Variants in APBB2 observed in about 807,000 individuals in gnomAD.
APBB2 encodes Fe65-like 1.
APBB2 carries 38 observed loss-of-function variants against 82.5 expected under a neutral mutation model. The observed-to-expected ratio is 0.46, with a 90% CI of 0.36 to 0.60. APBB2 has a LOEUF of 0.60. APBB2 is among the 20% of genes least tolerant of loss of function. The probability of loss-of-function intolerance (pLI) is 0.00; values close to 1 mark genes in which losing one functional copy is unlikely to be tolerated. For missense variants in APBB2, 772 were observed against 972.3 expected (o/e 0.79, Z 2.74); for synonymous variants, 341 against 368.2 (o/e 0.93, Z 0.85).
intron 12 of APBB2, among the ~76,000 whole-genome samples, chr4:40,859,897 G>A (rs1762356006): frequency 6.6e-6 from 1 of 152,122 alleles, no homozygotes; most frequent in Non-Finnish European, 1.5e-5. Context: ...GCTCTTCCCT[G>A]CACTGCTCAC....
intron 12 of APBB2, among the ~76,000 whole-genome samples, chr4:40,867,855 T>C (rs1381408430): frequency 1.7e-5 from 2 of 116,710 alleles, no homozygotes; most frequent in Non-Finnish European, 3.5e-5. Flanking sequence ...GCTTAGACAA[T>C]TTCTGGGGCT....
At chr4:41,022,974 T>A (rs1579318671) in intron 5 of APBB2, among the ~76,000 whole-genome samples, 1 of 152,326 alleles carries the variant, frequency 6.6e-6, no homozygotes, top group East Asian at 1.9e-4. Flanking sequence ...TTACCCCATG[T>A]AGCATCTGAG....
chr4:41,169,646 A>G (rs1318812316), intron 1 of APBB2, among the ~76,000 whole-genome samples: 1 of 152,236 alleles, frequency 6.6e-6, no homozygotes. Flanking sequence ...GGAAAGAAAC[A>G]TGAGTTATTT....
At chr4:40,823,781 TTAAAGTGTCC>T (rs777537007) in intron 15 of APBB2, 22 bp from the exon 16 acceptor site, 1 of 1,566,258 alleles carries the variant, frequency 6.4e-7, no homozygotes, top group Admixed American at 1.7e-5. Flanking sequence ...AAAGGATAAT[TTAAAGTGTCC>T]TAAAGCCACT....
intron 2 of APBB2, among the ~76,000 whole-genome samples, chr4:41,135,518 G>T (rs1037578562): frequency 6.6e-6 from 1 of 152,054 alleles, no homozygotes; most frequent in Admixed American, 6.6e-5. Context: ...AATAGCTATC[G>T]TGTCATGCGT....
At chr4:40,990,587 G>A (rs541200807) in intron 6 of APBB2, among the ~76,000 whole-genome samples, 4 of 152,220 alleles carry the variant, frequency 2.6e-5, no homozygotes, top group African/African-American at 7.2e-5. Flanking sequence ...CAAACCTTTC[G>A]CACTTCCAGA....
At chr4:40,936,425 T>TA (rs1785380164) in intron 7 of APBB2, among the ~76,000 whole-genome samples, 1 of 152,132 alleles carries the variant, frequency 6.6e-6, no homozygotes, top group African/African-American at 2.4e-5. Context: ...GCTAATTTTT[T>TA]AAAACTTTTT....
At chr4:41,045,507 T>C (rs901792859) in intron 4 of APBB2, among the ~76,000 whole-genome samples, 1 of 152,116 alleles carries the variant, frequency 6.6e-6, no homozygotes, top group African/African-American at 2.4e-5. Flanking sequence ...TTAGCCAGGA[T>C]AGCCTCAATC....
intron 12 of APBB2, among the ~76,000 whole-genome samples, chr4:40,861,621 G>A (rs1762779876): frequency 6.6e-6 from 1 of 152,206 alleles, no homozygotes; most frequent in Admixed American, 6.5e-5. Context: ...CCCTACTACT[G>A]GGCATGGGGC....
In APBB2 at chr4:40,816,210, C is replaced by T. The variant is rs772742835; in HGVS notation, c.2162G>A (p.Arg721Gln). 2 of 1,614,080 alleles carry T rather than the reference C, an allele frequency of 1.2e-6. No individual in the cohort carries two copies. The highest frequency in any genetic ancestry group is 1.1e-5 in the South Asian group (1 of 91,062). Reference protein sequence around the residue: ...LVARPPSQKVRPPPPPADSVT... With the variant: ...LVARPPSQKVQPPPPPADSVT... ...TGAATCTGCTGGCGGTGGAGGTGGTCGAACTTTCTGAGAAGGCGGCCTGGC... is the reference window on the plus strand; with the variant it reads ...TGAATCTGCTGGCGGTGGAGGTGGTTGAACTTTCTGAGAAGGCGGCCTGGC... Residue 721 changes from arginine (R) to glutamine (Q), a missense_variant, in exon 18 of 18, where the codon CGA becomes CAA. Transcript: ENST00000508593.
intron 17 of APBB2, among the ~76,000 whole-genome samples, chr4:40,818,190 C>T (rs1004411086): frequency 1.5e-4 from 23 of 152,070 alleles, no homozygotes; most frequent in East Asian, 1.9e-4. Flanking sequence ...GAGAATCATG[C>T]GGATTTGAAC....
At chr4:41,112,752 G>A (rs1269025636) in intron 2 of APBB2, among the ~76,000 whole-genome samples, 1 of 152,182 alleles carries the variant, frequency 6.6e-6, no homozygotes, top group Non-Finnish European at 1.5e-5. Context: ...CACTTTGGGA[G>A]GCCAAGGCGG....
chr4:41,208,114 G>C (rs144895819), intron 1 of APBB2, among the ~76,000 whole-genome samples: 1 of 152,112 alleles, frequency 6.6e-6, no homozygotes, highest in African/African-American at 2.4e-5. Flanking sequence ...TGACTTACAC[G>C]ACAGGGACAC....
intron 13 of APBB2, 68 bp from the exon 14 acceptor site, chr4:40,827,287 G>T: frequency 7.2e-7 from 1 of 1,397,678 alleles, no homozygotes; most frequent in Non-Finnish European, 1.0e-6. Flanking sequence ...ATTCCAGCCT[G>T]TAAAGTGTCT....
intron 2 of APBB2, among the ~76,000 whole-genome samples, chr4:41,131,193 G>A (rs563409183): frequency 2.6e-5 from 4 of 152,308 alleles, no homozygotes; most frequent in African/African-American, 7.2e-5. Flanking sequence ...CAGCAGAAGC[G>A]AGAAGCTGAG....
intron 6 of APBB2, among the ~76,000 whole-genome samples, chr4:40,945,670 T>C (rs1375633086): frequency 6.6e-6 from 1 of 152,150 alleles, no homozygotes; most frequent in African/African-American, 2.4e-5. Flanking sequence ...TGGAGTGCAG[T>C]GGTGCGATCC....
intron 1 of APBB2, among the ~76,000 whole-genome samples, chr4:41,171,383 A>G (rs2089672299): frequency 6.6e-6 from 1 of 151,648 alleles, no homozygotes; most frequent in Non-Finnish European, 1.5e-5. Context: ...GCTTCCTTGC[A>G]AAGGTAACAG....
chr4:40,958,595 TTCTA>T (rs1792281567), intron 6 of APBB2, among the ~76,000 whole-genome samples: 1 of 152,166 alleles, frequency 6.6e-6, no homozygotes, highest in Non-Finnish European at 1.5e-5. Flanking sequence ...TTTGATAATC[TTCTA>T]TCTCTCTCCC....
chr4:41,022,990 G>A (rs189103757), intron 5 of APBB2, among the ~76,000 whole-genome samples: 6 of 152,256 alleles, frequency 3.9e-5, no homozygotes. Flanking sequence ...CTGAGCAAGA[G>A]TTAAAATAAA....
Sources: allele counts gnomAD v4.1 joint callset (sites outside exome capture counted in the v4.1 genomes callset), GRCh38; gene constraint gnomAD v4.1.1; transcripts MANE v1.5; gene names NCBI Gene and HGNC (gene_info 2026-07-23, HGNC 2026-07-21).